The following HMBOX1 variants were observed in gnomAD, a reference collection of about 807,000 sequenced individuals.
The protein encoded by HMBOX1 is homeobox-containing protein 1.
HMBOX1 carries 14 observed loss-of-function variants against 54.5 expected under a neutral mutation model. The observed-to-expected ratio is 0.26, with a 90% CI of 0.17 to 0.40. The LOEUF (loss-of-function observed/expected upper bound fraction) is 0.40. Ranked by LOEUF, HMBOX1 falls within the 10% of genes least tolerant of loss-of-function variation. The probability of loss-of-function intolerance (pLI) is 1.00; values close to 1 mark genes in which losing one functional copy is unlikely to be tolerated. For synonymous variants in HMBOX1, 160 were observed against 181.0 expected (o/e 0.88, Z 0.93); for missense variants, 332 against 514.4 (o/e 0.65, Z 3.43).
At chr8:29,049,674 C>T (rs755229150) in intron 9 of HMBOX1, 7 of 327,522 alleles carry the variant, frequency 2.1e-5, no homozygotes, top group Non-Finnish European at 3.9e-5. Context: ...ATTGTAGCCA[C>T]TGCGTGGAGT....
rs558921649 is a variant in HMBOX1 at position 29,018,710 on chromosome 8, G to A, written c.698-50G>A. 12 of 1,586,552 alleles carry A rather than the reference G, an allele frequency of 7.6e-6. No homozygotes were observed. The African/African-American group carries it at 1.2e-4, about 16-fold the overall frequency. On this transcript the variant is annotated intron_variant, in intron 5 of 9. Coordinates refer to ENST00000287701, the MANE Select transcript of HMBOX1 (RefSeq NM_001135726.3). ...TCCCATAGGAAGTAGATGTTATATT[G>A]TTTTAAATAAACTGCAAGATATTTG...
chr8:28,963,350 CA>C lies in HMBOX1; in HGVS notation c.-57-458del, dbSNP rs78913068. ...CATTAGTGCTACAGTTTAGAATATA[CA>C]AATATGAAAGGTTTCTAACTTTACC... On this transcript the variant is annotated intron_variant, in intron 1 of 9. Transcript: ENST00000287701. Among the ~76,000 whole-genome samples, 65 of 152,262 alleles carry C rather than the reference CA, an allele frequency of 4.3e-4. 2 individuals are homozygous for C. The East Asian group carries it at 0.01, about 24-fold the overall frequency.
intron 3 of HMBOX1, among the ~76,000 whole-genome samples, chr8:28,971,053 C>G (rs1337557481): frequency 7.1e-6 from 1 of 140,150 alleles, no homozygotes; most frequent in African/African-American, 2.6e-5. Flanking sequence ...AGTGTAAGAA[C>G]TTAGAGTTTT....
Position 29,045,491 on chromosome 8 carries a change from G to A in HMBOX1, c.934+48G>A, listed in dbSNP as rs775921747. On this transcript the variant is annotated intron_variant, in intron 7 of 9. Transcript: ENST00000287701. ...GCTCTGCGGTGCAGCACAGCGCTTGGTTACAGGTTGGCATCTAGGACACTT... is the reference window on the plus strand; with the variant it reads ...GCTCTGCGGTGCAGCACAGCGCTTGATTACAGGTTGGCATCTAGGACACTT... 2.0e-6 allele frequency: 3 copies of A among 1,472,906 alleles called. No homozygotes were observed. In the Admixed American group the frequency reaches 5.0e-5, roughly 25 times the overall value. The allele number at this position is 1,472,906 out of a possible 1,614,324, so 91.2% of individuals were successfully genotyped here. A position where few individuals can be genotyped will look rare whatever the true frequency, so the allele number is the denominator to read the frequency against.
chr8:28,985,753 A>G (rs1243568931), intron 4 of HMBOX1, among the ~76,000 whole-genome samples: 1 of 152,244 alleles, frequency 6.6e-6, no homozygotes, highest in East Asian at 1.9e-4. Flanking sequence ...CAGAGAACTT[A>G]AGATCAGACA....
At chr8:28,966,627 C>A (rs761180728) in intron 2 of HMBOX1, among the ~76,000 whole-genome samples, 2 of 152,064 alleles carry the variant, frequency 1.3e-5, no homozygotes, top group Admixed American at 1.3e-4. Flanking sequence ...TGTGAAATGC[C>A]GGAGTATATG....
At chr8:28,989,063 G>A (rs538623742) in intron 4 of HMBOX1, among the ~76,000 whole-genome samples, 170 of 151,994 alleles carry the variant, frequency 1.1e-3, no homozygotes, top group Non-Finnish European at 1.8e-3. Flanking sequence ...ACAGGAGGTC[G>A]GCAGTTTGAG....
chr8:28,964,082 A>G (rs1164123037), intron 2 of HMBOX1, among the ~76,000 whole-genome samples, 192 bp downstream of exon 2: 1 of 152,208 alleles, frequency 6.6e-6, no homozygotes, highest in Non-Finnish European at 1.5e-5. Context: ...TGAGAAATGA[A>G]TTTTTAAATC....
chr8:29,018,306 A>G (rs1586515383), intron 5 of HMBOX1, among the ~76,000 whole-genome samples: 1 of 152,332 alleles, frequency 6.6e-6, no homozygotes, highest in South Asian at 2.1e-4. Flanking sequence ...TGTCTCAATT[A>G]TAGATATTTT....
At chr8:28,930,172 A>G (rs1006816889) in intron 1 of HMBOX1, among the ~76,000 whole-genome samples, 2 of 152,000 alleles carry the variant, frequency 1.3e-5, no homozygotes, top group Non-Finnish European at 2.9e-5. Context: ...CAGACTCTTT[A>G]CTACTAAAAA....
intron 5 of HMBOX1, among the ~76,000 whole-genome samples, chr8:29,012,255 GCTA>G (rs1398242092): frequency 6.6e-6 from 1 of 152,154 alleles, no homozygotes; most frequent in Non-Finnish European, 1.5e-5. Context: ...AGAATTTGGA[GCTA>G]CTATTATGTT....
At chr8:28,994,995 C>A (rs974591987) in intron 4 of HMBOX1, among the ~76,000 whole-genome samples, 2 of 152,014 alleles carry the variant, frequency 1.3e-5, no homozygotes, top group African/African-American at 4.8e-5. Context: ...CCAGCAAAGA[C>A]AATAAAATAA....
chr8:28,964,855 A>G (rs1041560009), intron 2 of HMBOX1, among the ~76,000 whole-genome samples: 2 of 151,818 alleles, frequency 1.3e-5, no homozygotes, highest in Non-Finnish European at 2.9e-5. Flanking sequence ...TTTGGGCCTT[A>G]GTTTCCCTCC....
chr8:28,998,868 C>T (rs1206797737), intron 4 of HMBOX1, among the ~76,000 whole-genome samples: 1 of 151,920 alleles, frequency 6.6e-6, no homozygotes, highest in East Asian at 1.9e-4. Context: ...CAATTAATAC[C>T]AACTTAATTT....
intron 1 of HMBOX1, among the ~76,000 whole-genome samples, chr8:28,932,605 A>G (rs1641789360): frequency 6.6e-6 from 1 of 152,210 alleles, no homozygotes; most frequent in South Asian, 2.1e-4. Flanking sequence ...ACCTTCAAGA[A>G]CAAAACCTTT....
chr8:28,948,701 G>A (rs777700271), intron 1 of HMBOX1, among the ~76,000 whole-genome samples: 1 of 152,098 alleles, frequency 6.6e-6, no homozygotes, highest in African/African-American at 2.4e-5. Flanking sequence ...TGGCTCCTAT[G>A]ATCAGATTTT....
intron 4 of HMBOX1, among the ~76,000 whole-genome samples, chr8:28,982,419 G>A (rs752502679): frequency 2.0e-5 from 3 of 151,844 alleles, no homozygotes; most frequent in South Asian, 2.1e-4. Context: ...ATGCCATCCC[G>A]TTTTTATTTT....
chr8:29,031,029 C>G (rs1180656142), intron 6 of HMBOX1, among the ~76,000 whole-genome samples: 1 of 152,204 alleles, frequency 6.6e-6, no homozygotes, highest in Non-Finnish European at 1.5e-5. Flanking sequence ...AAACTAAAAA[C>G]TCACCTTCCT....
At chr8:28,936,740 T>C (rs1303095375) in intron 1 of HMBOX1, among the ~76,000 whole-genome samples, 1 of 151,152 alleles carries the variant, frequency 6.6e-6, no homozygotes, top group Non-Finnish European at 1.5e-5. Flanking sequence ...AAATTTAAAC[T>C]TATTATATTA....
Sources: allele counts gnomAD v4.1 joint callset (sites outside exome capture counted in the v4.1 genomes callset), GRCh38; gene constraint gnomAD v4.1.1; transcripts MANE v1.5; gene names NCBI Gene and HGNC (gene_info 2026-07-23, HGNC 2026-07-21).